Variants in DCAF7 observed in about 807,000 individuals in gnomAD.
DCAF7 encodes DDB1- and CUL4-associated factor 7.
Under a neutral mutation model 41.2 loss-of-function variants are expected in DCAF7, and 4 were observed. The observed-to-expected ratio is 0.10, with a 90% confidence interval of 0.05 to 0.22. DCAF7 has a LOEUF of 0.22. Among genes scored for constraint, DCAF7 ranks in the 10% least tolerant of loss-of-function variants. The pLI is 1.00. For missense variants in DCAF7, 131 were observed against 443.2 expected, an observed-to-expected ratio of 0.30 and a Z score of 6.32; for synonymous variants, 143 against 164.2, an observed-to-expected ratio of 0.87 and a Z score of 0.99.
rs1477276245 is a variant in DCAF7, at chr17:63,580,593, A to G, written c.528+650A>G. Reference sequence around the variant, plus strand: ...GAGTGCAATGGCGCAATCTGGGCTCACTGCATCCTCTGCCTTCTGGGTTCA... The same window carrying G: ...GAGTGCAATGGCGCAATCTGGGCTCGCTGCATCCTCTGCCTTCTGGGTTCA... On this transcript the variant is annotated intron_variant, in intron 4 of 6. Transcript: ENST00000614556. Among the ~76,000 whole-genome samples, 3 of 133,172 alleles carry G rather than the reference A, an allele frequency of 2.3e-5. No individual in the cohort carries two copies. The East Asian group carries it at 6.5e-4, about 29-fold the overall frequency. 87.4% of individuals were successfully genotyped at this position (133,172 alleles called of 152,430 possible). A position where few individuals can be genotyped will look rare whatever the true frequency, so the allele number is the denominator to read the frequency against.
intron 1 of DCAF7, among the ~76,000 whole-genome samples, chr17:63,565,616 G>A (rs1324066940): frequency 6.6e-6 from 1 of 151,962 alleles, no homozygotes; most frequent in Non-Finnish European, 1.5e-5. Context: ...TGTGATATTG[G>A]GCAAGATATT....
At chr17:63,559,807 A>G (rs2033361659) in intron 1 of DCAF7, among the ~76,000 whole-genome samples, 1 of 152,112 alleles carries the variant, frequency 6.6e-6, no homozygotes, top group African/African-American at 2.4e-5. Flanking sequence ...GTCTCAAAGA[A>G]AAAAAAACCT....
At chr17:63,577,795 C>A (rs2033578536) in intron 1 of DCAF7, among the ~76,000 whole-genome samples, 1 of 152,158 alleles carries the variant, frequency 6.6e-6, no homozygotes, top group Admixed American at 6.5e-5. Flanking sequence ...GTCATTGTGG[C>A]AGCCAAGAAC....
chr17:63,573,407 T>G (rs1301062536), intron 1 of DCAF7: 1 of 152,142 alleles, frequency 6.6e-6, no homozygotes, highest in African/African-American at 2.4e-5. Flanking sequence ...ATTCCACATT[T>G]CATCTAGAAT....
chr17:63,580,090 A>G (rs2033604288), intron 4 of DCAF7, 147 bp downstream of exon 4: 2 of 681,090 alleles, frequency 2.9e-6, no homozygotes, highest in Non-Finnish European at 2.5e-6. Flanking sequence ...ATAGTAATGT[A>G]TCAAAAACGG....
Position 63,588,893 on chromosome 17 carries a change from G to T in DCAF7, c.857-107G>T, listed in dbSNP as rs2147780172. 4 of 1,205,744 alleles carry T rather than the reference G, an allele frequency of 3.3e-6. No individual in the cohort carries two copies. The South Asian group carries it at 6.6e-5, about 20-fold the overall frequency. 74.7% of individuals were successfully genotyped at this position (1,205,744 alleles called of 1,614,324 possible). On this transcript the variant is annotated intron_variant, in intron 6 of 6. Coordinates refer to ENST00000614556, the MANE Select transcript of DCAF7 (RefSeq NM_005828.5). ...TAAAATGGGGGCTTAAAATAGAACC[G>T]CCATCACGGGGGTGCTTTGTAAACT...
chr17:63,572,799 G>A lies in DCAF7; in HGVS notation c.139-5671G>A, dbSNP rs149795854. Among the ~76,000 whole-genome samples, 227 of 152,302 alleles carry A rather than the reference G, an allele frequency of 1.5e-3. 1 individual carries two copies. Among genetic ancestry groups the A allele is most frequent in the African/African-American group, 5.1e-3 (213 of 41,564 alleles). On this transcript the variant is annotated intron_variant, in intron 1 of 6. Transcript: ENST00000614556. ...TTTTTCTGAGACAAGGCCTCGCTCT[G>A]TTGCCCAGGCTGCAGTGTGGTGGCA...
intron 6 of DCAF7, among the ~76,000 whole-genome samples, chr17:63,587,592 C>T (rs2033690963): frequency 6.6e-6 from 1 of 152,166 alleles, no homozygotes; most frequent in Non-Finnish European, 1.5e-5. Context: ...TCCCTGACCT[C>T]TTGGCATTGA....
intron 1 of DCAF7, among the ~76,000 whole-genome samples, chr17:63,559,330 TATAC>T (rs201034917): frequency 6.7e-5 from 5 of 75,010 alleles, no homozygotes; most frequent in Admixed American, 3.6e-4. Context: ...TGTATATATA[TATAC>T]ATACATATAT....
At chr17:63,559,590 T>C (rs1598026621) in intron 1 of DCAF7, among the ~76,000 whole-genome samples, 1 of 150,634 alleles carries the variant, frequency 6.6e-6, no homozygotes, top group South Asian at 2.1e-4. Context: ...TCGCCTAAGG[T>C]CAGGAGTTTG....
intron 1 of DCAF7, among the ~76,000 whole-genome samples, chr17:63,558,778 A>C (rs76644270): frequency 0.036 from 5,409 of 152,318 alleles, 303 homozygotes; most frequent in African/African-American, 0.12. Flanking sequence ...GATTTTTAAT[A>C]ATGGTTTTTT....
intron 4 of DCAF7, among the ~76,000 whole-genome samples, 160 bp downstream of exon 4, chr17:63,580,103 A>G (rs920922504): frequency 9.2e-5 from 14 of 152,222 alleles, no homozygotes; most frequent in Admixed American, 6.5e-4. Flanking sequence ...AAAAACGGGA[A>G]AACAACACTA....
At chr17:63,570,108 G>A (rs1373974548) in intron 1 of DCAF7, among the ~76,000 whole-genome samples, 1 of 152,164 alleles carries the variant, frequency 6.6e-6, no homozygotes, top group Admixed American at 6.5e-5. Flanking sequence ...TACTGGTGGG[G>A]AGGGTGATTC....
chr17:63,569,241 G>T (rs1454754483), intron 1 of DCAF7, among the ~76,000 whole-genome samples: 1 of 152,186 alleles, frequency 6.6e-6, no homozygotes, highest in East Asian at 1.9e-4. Flanking sequence ...TATAGGCGTG[G>T]AATGCTCAGA....
rs377638787 is a variant in DCAF7 at position 63,588,189 on chromosome 17, A to ATTTTTTTTTTTTTTTTTTTTTTTTTTTTT, written c.857-795_857-794insTTTTTTTTTTTTTTTTTTTTTTTTTTTTT. 5.8e-5 allele frequency among the ~76,000 whole-genome samples: 7 copies of ATTTTTTTTTTTTTTTTTTTTTTTTTTTTT among 120,226 alleles called. 1 individual carries two copies. Among genetic ancestry groups the ATTTTTTTTTTTTTTTTTTTTTTTTTTTTT allele is most frequent in the African/African-American group, 2.8e-4 (7 of 25,418 alleles). The allele number at this position is 120,226 out of a possible 152,430, so 78.9% of individuals were successfully genotyped here. A position where few individuals can be genotyped will look rare whatever the true frequency, so the allele number is the denominator to read the frequency against. ...GTGTTTCCCATAGCTATTTTCTTGG[A>ATTTTTTTTTTTTTTTTTTTTTTTTTTTTT]TTTTTTTTTTTTTTTTGAGATGAAG... On this transcript the variant is annotated intron_variant, in intron 6 of 6. Coordinates refer to ENST00000614556, the MANE Select transcript of DCAF7 (RefSeq NM_005828.5).
intron 1 of DCAF7, among the ~76,000 whole-genome samples, chr17:63,569,616 C>G (rs564176531): frequency 6.6e-6 from 1 of 152,260 alleles, no homozygotes; most frequent in Non-Finnish European, 1.5e-5. Context: ...TAAGGTGTCT[C>G]AAATCTTGGT....
chr17:63,567,409 AAC>A (rs2033455219), intron 1 of DCAF7, among the ~76,000 whole-genome samples: 1 of 152,232 alleles, frequency 6.6e-6, no homozygotes, highest in Non-Finnish European at 1.5e-5. Context: ...CTGAGGCTAA[AAC>A]ACACACTTGT....
At chr17:63,583,077 A>G (rs2033641082) in intron 4 of DCAF7, among the ~76,000 whole-genome samples, 1 of 152,202 alleles carries the variant, frequency 6.6e-6, no homozygotes. Flanking sequence ...TGGCCACAGG[A>G]GGGCTGCTTT....
intron 1 of DCAF7, among the ~76,000 whole-genome samples, chr17:63,551,510 A>G (rs1406443217): frequency 1.3e-5 from 2 of 152,158 alleles, no homozygotes; most frequent in African/African-American, 2.4e-5. Flanking sequence ...GACCTTTAGT[A>G]GTAAGTCTTG....
Sources: gnomAD v4.1 joint callset for allele counts (sites outside exome capture counted in the v4.1 genomes callset) on GRCh38, gnomAD v4.1.1 for gene constraint, MANE v1.5 for transcripts, NCBI Gene and HGNC (gene_info 2026-07-23, HGNC 2026-07-21) for gene names.